Variants in TRIM24 observed in about 807,000 individuals in gnomAD.
TRIM24 encodes transcription intermediary factor 1-alpha.
In TRIM24, 29 loss-of-function variants were observed where a neutral mutation model predicts 123.9. The observed-to-expected ratio is 0.23, with a 90% CI of 0.17 to 0.32. TRIM24 has a LOEUF of 0.32. Ranked by LOEUF, TRIM24 falls within the 10% of genes least tolerant of loss-of-function variation. The pLI, the probability that TRIM24 is intolerant of heterozygous loss-of-function variation, is 1.00. For missense variants in TRIM24, 932 were observed against 1,295.3 expected (o/e 0.72, Z 4.31); for synonymous variants, 456 against 461.1 (o/e 0.99, Z 0.14).
intron 2 of TRIM24, among the ~76,000 whole-genome samples, chr7:138,510,161 T>C (rs1796255508): frequency 6.6e-6 from 1 of 152,254 alleles, no homozygotes; most frequent in Non-Finnish European, 1.5e-5. Context: ...GGAAGCCGAC[T>C]ATGAGAATCA....
intron 1 of TRIM24, among the ~76,000 whole-genome samples, chr7:138,468,805 C>A (rs186314500): frequency 2.6e-5 from 4 of 152,314 alleles, no homozygotes; most frequent in Admixed American, 2.6e-4. Flanking sequence ...CTTACATAGA[C>A]TACTGGCACC....
chr7:138,507,559 G>GT (rs1461259155), intron 2 of TRIM24, among the ~76,000 whole-genome samples: 3 of 151,792 alleles, frequency 2.0e-5, no homozygotes, highest in Non-Finnish European at 4.4e-5. Flanking sequence ...CTGACCTCAG[G>GT]TGGTCCACCC....
At chr7:138,548,417 C>CAA (rs112568313) in intron 7 of TRIM24, among the ~76,000 whole-genome samples, 4 of 127,364 alleles carry the variant, frequency 3.1e-5, no homozygotes, top group African/African-American at 1.1e-4. Context: ...GAGTGAGAGT[C>CAA]AAAAAAAAAA....
In TRIM24 at chr7:138,585,119, C is replaced by G. The variant is rs938430949; in HGVS notation, c.*168C>G. On this transcript the variant is annotated 3_prime_UTR_variant, in exon 19 of 19. Transcript: ENST00000343526. ...CTTAATAGCCCATTTCTGTTAACCTCTTATCACTAAGAAAGAAAGGAAAGA... is the reference window on the plus strand; with the variant it reads ...CTTAATAGCCCATTTCTGTTAACCTGTTATCACTAAGAAAGAAAGGAAAGA... 8.8e-6 allele frequency: 4 copies of G among 452,254 alleles called. No individual in the cohort carries two copies. The highest frequency in any genetic ancestry group is 8.1e-5 in the African/African-American group (4 of 49,092). 28.0% of individuals were successfully genotyped at this position (452,254 alleles called of 1,614,324 possible).
chr7:138,580,091 T>C (rs1366766319), intron 15 of TRIM24, among the ~76,000 whole-genome samples: 1 of 152,194 alleles, frequency 6.6e-6, no homozygotes, highest in Non-Finnish European at 1.5e-5. Flanking sequence ...TCATACCCTA[T>C]GGGGATGATG....
chr7:138,586,013 CT>C lies in TRIM24; in HGVS notation c.*1063del, dbSNP rs1490735354. On this transcript the variant is annotated 3_prime_UTR_variant, in exon 19 of 19. Coordinates refer to ENST00000343526, the MANE Select transcript of TRIM24 (RefSeq NM_015905.3). ...AATTAATAGTGATTTTTTTTTTTTCCTGAAGCATCTATCTCATGTTTTTCTT... is the reference window on the plus strand; with the variant it reads ...AATTAATAGTGATTTTTTTTTTTTCCGAAGCATCTATCTCATGTTTTTCTT... 2 of 450,034 alleles carry C rather than the reference CT, an allele frequency of 4.4e-6. No individual in the cohort carries two copies. The highest frequency in any genetic ancestry group is 1.1e-4 in the East Asian group (2 of 17,482). The allele number at this position is 450,034 out of a possible 1,614,324, so 27.9% of individuals were successfully genotyped here.
Position 138,567,534 on chromosome 7 carries a change from A to G in TRIM24, c.1584A>G (p.Gly528=). The G allele has an allele frequency of 6.2e-7, 1 of 1,614,048 alleles. No individual in the cohort carries two copies. ...NFQNHSPKPN[G]PVLPPHPQQL... Reference sequence around the variant, plus strand: ...AGAATCACAGCCCCAAACCCAATGGACCAGTTCTTCCTCCTCATCCTCAAC... The same window carrying G: ...AGAATCACAGCCCCAAACCCAATGGGCCAGTTCTTCCTCCTCATCCTCAAC... Residue 528 remains glycine (G), a synonymous_variant, in exon 10 of 19, where the codon GGA becomes GGG. Coordinates refer to ENST00000343526, the MANE Select transcript of TRIM24 (RefSeq NM_015905.3).
intron 6 of TRIM24, among the ~76,000 whole-genome samples, chr7:138,535,126 G>T (rs774839175): frequency 6.6e-6 from 1 of 152,084 alleles, no homozygotes; most frequent in Non-Finnish European, 1.5e-5. Context: ...TATGAGATGG[G>T]TCTCCTGAAT....
chr7:138,502,633 C>T (rs1161768463), intron 1 of TRIM24, among the ~76,000 whole-genome samples: 2 of 152,164 alleles, frequency 1.3e-5, no homozygotes, highest in African/African-American at 4.8e-5. Flanking sequence ...TTGGGGGTAA[C>T]ACTTAATGTT....
At chr7:138,540,334 C>T (rs1796977306) in intron 7 of TRIM24, among the ~76,000 whole-genome samples, 1 of 152,180 alleles carries the variant, frequency 6.6e-6, no homozygotes, top group Admixed American at 6.5e-5. Flanking sequence ...TACAATAGAA[C>T]TTCTTTCAGA....
chr7:138,557,792 A>G (rs956793154), intron 9 of TRIM24, among the ~76,000 whole-genome samples: 2 of 152,200 alleles, frequency 1.3e-5, no homozygotes, highest in South Asian at 4.1e-4. Context: ...GTGGCTTGTT[A>G]GGCCAGTAGA....
chr7:138,573,372 G>C, intron 11 of TRIM24, 135 bp from the exon 12 acceptor site: 4 of 806,296 alleles, frequency 5.0e-6, no homozygotes, highest in Non-Finnish European at 7.0e-6. Context: ...ATATCTGTTA[G>C]AACTTCTCAA....
chr7:138,538,115 A>T (rs1455467727), intron 6 of TRIM24, among the ~76,000 whole-genome samples: 3 of 152,218 alleles, frequency 2.0e-5, no homozygotes, highest in Non-Finnish European at 4.4e-5. Flanking sequence ...GTTGGCTCCG[A>T]TGTTAATTCT....
intron 10 of TRIM24, among the ~76,000 whole-genome samples, chr7:138,568,220 A>G (rs1413622424): frequency 6.6e-6 from 1 of 151,524 alleles, no homozygotes; most frequent in Non-Finnish European, 1.5e-5. Context: ...CTGGGTTCAC[A>G]CCATTTCTCC....
chr7:138,530,264 C>T (rs1398557659), intron 6 of TRIM24, among the ~76,000 whole-genome samples: 2 of 151,936 alleles, frequency 1.3e-5, no homozygotes, highest in Admixed American at 1.3e-4. Context: ...TTTTAAGTTT[C>T]CAAAACTGCT....
At chr7:138,570,718 C>A in intron 10 of TRIM24, 112 bp from the exon 11 acceptor site, 3 of 967,202 alleles carry the variant, frequency 3.1e-6, no homozygotes, top group East Asian at 2.9e-5. Flanking sequence ...CATTCTCCTT[C>A]CATGTAAATT....
At chr7:138,575,897 G>T (rs1797747386) in intron 12 of TRIM24, among the ~76,000 whole-genome samples, 1 of 151,954 alleles carries the variant, frequency 6.6e-6, no homozygotes, top group Non-Finnish European at 1.5e-5. Flanking sequence ...TGTTTACTTG[G>T]TTTTCTTTTT....
At position 138,537,309 on chromosome 7, in the gene TRIM24, C is replaced by T. The variant is rs565284227; in HGVS notation, c.997-1348C>T. Among the ~76,000 whole-genome samples the T allele has an allele frequency of 1.8e-3, 273 of 150,308 alleles. 1 individual carries two copies. Among genetic ancestry groups the T allele is most frequent in the African/African-American group, 6.1e-3 (247 of 40,760 alleles). Reference sequence around the variant, plus strand: ...AATCACCCATCTTCTGCGTCACTCACGCTGGGAGCTGTAGACTGGAGCTGT... The same window carrying T: ...AATCACCCATCTTCTGCGTCACTCATGCTGGGAGCTGTAGACTGGAGCTGT... On this transcript the variant is annotated intron_variant, in intron 6 of 18. Coordinates refer to ENST00000343526, the MANE Select transcript of TRIM24 (RefSeq NM_015905.3).
Position 138,515,372 on chromosome 7 carries a change from A to T in TRIM24, c.631+13A>T, listed in dbSNP as rs3757381. ...GAAGTATCTCCAGGTAATAAATGAG[A>T]TCTTTGCATTTTTTTCCTTCTATCT... On this transcript the variant is annotated intron_variant, in intron 3 of 18. Coordinates refer to ENST00000343526, the MANE Select transcript of TRIM24 (RefSeq NM_015905.3). 1,291,022 of 1,609,350 alleles carry T rather than the reference A, an allele frequency of 0.8. 520,734 individuals are homozygous for T. The highest frequency in any genetic ancestry group is 0.82 in the African/African-American group (61,642 of 74,814).
Sources: gnomAD v4.1 joint callset for allele counts (sites outside exome capture counted in the v4.1 genomes callset) on GRCh38, gnomAD v4.1.1 for gene constraint, MANE v1.5 for transcripts, NCBI Gene and HGNC (gene_info 2026-07-23, HGNC 2026-07-21) for gene names.